SLAIN1: variants seen among roughly 807,000 people sequenced by gnomAD.
SLAIN1 encodes the protein SLAIN family member 1.
SLAIN1 carries 17 observed loss-of-function variants against 55.4 expected under a neutral mutation model. The observed-to-expected ratio is 0.31, with a 90% CI of 0.21 to 0.46. The LOEUF (loss-of-function observed/expected upper bound fraction) is 0.46, where lower values mean the gene tolerates loss of function less well. Ranked by LOEUF, SLAIN1 falls within the 20% of genes least tolerant of loss-of-function variation. SLAIN1 has a pLI of 1.00. For missense variants in SLAIN1, 682 were observed against 785.1 expected, an observed-to-expected ratio of 0.87 and a Z score of 1.57; for synonymous variants, 348 against 337.4, an observed-to-expected ratio of 1.03 and a Z score of -0.35.
At chr13:77,710,859 G>T (rs979249798) in intron 1 of SLAIN1, among the ~76,000 whole-genome samples, 2 of 152,010 alleles carry the variant, frequency 1.3e-5, no homozygotes, top group Admixed American at 6.6e-5. Flanking sequence ...CTCAGCAAAG[G>T]CAAAAGAATG....
rs1278567193 is a variant in SLAIN1 at position 77,697,770 on chromosome 13, C to G, written c.-144C>G. 3 of 865,750 alleles carry G rather than the reference C, an allele frequency of 3.5e-6. No individual in the cohort carries two copies. The highest frequency in any genetic ancestry group is 2.9e-6 in the Non-Finnish European group (2 of 678,732). The allele number at this position is 865,750 out of a possible 1,614,324, so 53.6% of individuals were successfully genotyped here. A position where few individuals can be genotyped will look rare whatever the true frequency, so the allele number is the denominator to read the frequency against. ...CGGAGGCGAGGGCCCGGTGCTGATGCGAACCGCCGGCTCGGCCTCAGCCCG... is the reference window on the plus strand; with the variant it reads ...CGGAGGCGAGGGCCCGGTGCTGATGGGAACCGCCGGCTCGGCCTCAGCCCG... On this transcript the variant is annotated 5_prime_UTR_variant, in exon 1 of 7. Transcript: ENST00000418532.
rs2090995335 is a variant in SLAIN1, at chr13:77,698,368, C to T, written c.455C>T (p.Pro152Leu). The stretch of plus-strand genomic sequence containing the variant: ...GAGGCGCCCTTCGTCTACTTCAAGC[C>T]GGCAGCAGGCTTCTTCGGCGCGGGC... Reference protein sequence around the residue: ...PPEAPFVYFKPAAGFFGAGGG... With the variant: ...PPEAPFVYFKLAAGFFGAGGG... Residue 152 changes from proline (P) to leucine (L), a missense_variant, in exon 1 of 7, where the codon CCG becomes CTG. Physicochemically the swap from Pro to Leu is moderately conservative, Grantham distance 98 (BLOSUM62 -3). Around this residue, in one of 3 missense-constraint regions of SLAIN1, gnomAD observed 401 missense variants for 417.3 expected, o/e 0.96. Coordinates refer to ENST00000418532, the MANE Select transcript of SLAIN1 (RefSeq NM_001242868.2). This position sits in a 1 kb window ranked among gnomAD's most constrained non-coding sequence, Gnocchi z 4.1. 2 of 1,434,696 alleles carry T rather than the reference C, an allele frequency of 1.4e-6. No homozygotes were observed. Among genetic ancestry groups the T allele is most frequent in the Non-Finnish European group, 1.8e-6 (2 of 1,094,666 alleles). The allele number at this position is 1,434,696 out of a possible 1,614,324, so 88.9% of individuals were successfully genotyped here. A position where few individuals can be genotyped will look rare whatever the true frequency, so the allele number is the denominator to read the frequency against.
chr13:77,720,643 A>T (rs1247786615), intron 2 of SLAIN1, among the ~76,000 whole-genome samples: 2 of 152,086 alleles, frequency 1.3e-5, no homozygotes, highest in Non-Finnish European at 2.9e-5. Context: ...GTGTAACTGA[A>T]CTCATCTTTA....
Position 77,764,092 on chromosome 13 carries a change from CAAAT to C in SLAIN1, c.*877_*880del, listed in dbSNP as rs753219935. ...TTCTGGAAATGAATGCATTTTAAAG[CAAAT>C]AAATCTTTTTGATAGACCTTTTACA... On this transcript the variant is annotated 3_prime_UTR_variant, in exon 7 of 7. Coordinates refer to ENST00000418532, the MANE Select transcript of SLAIN1 (RefSeq NM_001242868.2). The C allele has an allele frequency of 2.0e-5, 3 of 152,542 alleles. No homozygotes were observed. Among genetic ancestry groups the C allele is most frequent in the Non-Finnish European group, 2.9e-5 (2 of 67,994 alleles). The allele number at this position is 152,542 out of a possible 1,614,324, so 9.4% of individuals were successfully genotyped here.
intron 5 of SLAIN1, among the ~76,000 whole-genome samples, chr13:77,755,982 G>A (rs1379924085): frequency 6.6e-6 from 1 of 152,150 alleles, no homozygotes; most frequent in Non-Finnish European, 1.5e-5. Context: ...AAGAACAGAG[G>A]TAGGATAGAG....
At chr13:77,756,950 T>G (rs1405722682) in intron 5 of SLAIN1, among the ~76,000 whole-genome samples, 1 of 152,136 alleles carries the variant, frequency 6.6e-6, no homozygotes. Context: ...TTGATATGAT[T>G]AGTGGTTACA....
chr13:77,709,032 A>G (rs1017053900), intron 1 of SLAIN1, among the ~76,000 whole-genome samples: 8 of 152,000 alleles, frequency 5.3e-5, no homozygotes, highest in African/African-American at 1.2e-4. Flanking sequence ...GGTTGGAGGA[A>G]TTGCTAACTA....
In SLAIN1 at chr13:77,714,209, A is replaced by G. The variant is rs562590664; in HGVS notation, c.627-5323A>G. ...AGGAAAATTGGTGAAAAAAGTATTG[A>G]GATAAGGAAACTCCACAGTTGACTA... is the stretch of plus-strand genomic sequence containing the variant. On this transcript the variant is annotated intron_variant, in intron 1 of 6. Coordinates refer to ENST00000418532, the MANE Select transcript of SLAIN1 (RefSeq NM_001242868.2). Among the ~76,000 whole-genome samples, 13 of 152,206 alleles carry G rather than the reference A, an allele frequency of 8.5e-5. 1 individual carries two copies. The South Asian group carries it at 2.7e-3, about 32-fold the overall frequency.
rs1458959203 is a variant in SLAIN1, at chr13:77,697,795, G to A, written c.-119G>A. The A allele has an allele frequency of 9.2e-7, 1 of 1,083,904 alleles. No homozygotes were observed. Among genetic ancestry groups the A allele is most frequent in the Non-Finnish European group, 1.1e-6 (1 of 873,484 alleles). The allele number at this position is 1,083,904 out of a possible 1,614,324, so 67.1% of individuals were successfully genotyped here. On this transcript the variant is annotated 5_prime_UTR_variant, in exon 1 of 7. Coordinates refer to ENST00000418532, the MANE Select transcript of SLAIN1 (RefSeq NM_001242868.2). ...CGAACCGCCGGCTCGGCCTCAGCCC[G>A]CGCGTGGTCGGCCCCCCAGGCCGGG...
At chr13:77,708,758 G>A (rs2091115549) in intron 1 of SLAIN1, among the ~76,000 whole-genome samples, 1 of 151,966 alleles carries the variant, frequency 6.6e-6, no homozygotes, top group South Asian at 2.1e-4. Flanking sequence ...CCATCCAAAG[G>A]TCACCAACAT....
chr13:77,697,922 G>A lies in SLAIN1; in HGVS notation c.9G>A (p.Ala3=). The part of the protein sequence containing the change: MM[A]EQVKCASAGV... ...CGCCCTCGGGGCCCACGATGATGGC[G>A]GAGCAGGTGAAATGCGCCTCGGCAG... The change falls in exon 1 of 7, where the codon GCG becomes GCA. Residue 3 remains alanine (A), a synonymous_variant. Coordinates refer to ENST00000418532, the MANE Select transcript of SLAIN1 (RefSeq NM_001242868.2). The A allele has an allele frequency of 2.1e-6, 3 of 1,410,684 alleles. No individual in the cohort carries two copies. The highest frequency in any genetic ancestry group is 2.8e-6 in the Non-Finnish European group (3 of 1,072,822). 87.4% of individuals were successfully genotyped at this position (1,410,684 alleles called of 1,614,324 possible). A position where few individuals can be genotyped will look rare whatever the true frequency, so the allele number is the denominator to read the frequency against.
Position 77,746,837 on chromosome 13 carries a change from C to A in SLAIN1, c.1240C>A (p.Pro414Thr), listed in dbSNP as rs1307321586. 2 of 1,612,460 alleles carry A rather than the reference C, an allele frequency of 1.2e-6. No individual in the cohort carries two copies. The highest frequency in any genetic ancestry group is 2.2e-5 in the South Asian group (2 of 90,958). ...SPQAQTPDQQ[P>T]NRTNGDKLRR... ...TCAAGCCCAAACTCCAGATCAGCAA[C>A]CAAATAGGACCAATGGAGGTAGGTT... The change falls in exon 4 of 7, where the codon CCA becomes ACA. Residue 414 changes from proline (P) to threonine (T), a missense_variant. Transcript: ENST00000418532.
chr13:77,719,900 AATGTAGG>A (rs1475127716), intron 2 of SLAIN1, among the ~76,000 whole-genome samples: 1 of 152,122 alleles, frequency 6.6e-6, no homozygotes, highest in African/African-American at 2.4e-5. Context: ...TTCATATTGC[AATGTAGG>A]AACACACAAA....
At chr13:77,743,031 G>C (rs1390712896) in intron 2 of SLAIN1, 5 of 1,293,858 alleles carry the variant, frequency 3.9e-6, no homozygotes, top group East Asian at 5.8e-5. Context: ...CGATGGCGGA[G>C]TCTCTTCTCT....
intron 1 of SLAIN1, among the ~76,000 whole-genome samples, chr13:77,717,036 G>A (rs1333533994): frequency 1.3e-5 from 2 of 151,938 alleles, no homozygotes; most frequent in Admixed American, 6.6e-5. Context: ...TTCTGTTTCC[G>A]ATTTGATGAG....
At chr13:77,733,080 TTTAAAC>T (rs1299741639) in intron 2 of SLAIN1, among the ~76,000 whole-genome samples, 1 of 152,156 alleles carries the variant, frequency 6.6e-6, no homozygotes, top group Non-Finnish European at 1.5e-5. Flanking sequence ...CACTTGACCT[TTTAAAC>T]TTAGTGTCAA....
intron 2 of SLAIN1, among the ~76,000 whole-genome samples, chr13:77,736,698 A>G (rs1399986264): frequency 2.0e-5 from 3 of 152,056 alleles, no homozygotes; most frequent in African/African-American, 4.8e-5. Flanking sequence ...TGTTCTAGCC[A>G]GTAGCCTCTT....
intron 2 of SLAIN1, among the ~76,000 whole-genome samples, chr13:77,726,232 C>T (rs1144376): frequency 0.13 from 19,590 of 152,034 alleles, 2,261 homozygotes; most frequent in African/African-American, 0.31. Flanking sequence ...GGAGACAGCA[C>T]CTGCATTATC....
chr13:77,719,662 C>G lies in SLAIN1; in HGVS notation c.757C>G (p.Leu253Val). Reference protein sequence around the residue: ...EAARRSLCFRLEQGYTSRGSP... With the variant: ...EAARRSLCFRVEQGYTSRGSP... ...AGCGAGACGTTCCCTGTGCTTTAGA[C>G]TGGAGCAAGGTAATTGTGAGTGTGT... Residue 253 changes from leucine to valine, a missense_variant, in exon 2 of 7, where the codon CTG (leucine) becomes GTG (valine). Physicochemically the swap from Leu to Val is conservative, Grantham distance 32. Transcript: ENST00000418532. 6.2e-7 allele frequency: 1 copy of G among 1,613,186 alleles called. No homozygotes were observed. The highest frequency in any genetic ancestry group is 8.5e-7 in the Non-Finnish European group (1 of 1,179,406).
Sources: allele counts gnomAD v4.1 joint callset (sites outside exome capture counted in the v4.1 genomes callset), GRCh38; gene constraint gnomAD v4.1.1; regional missense constraint gnomAD v4.1.1; non-coding constraint Gnocchi (gnomAD v3.1); transcripts MANE v1.5; gene names NCBI Gene and HGNC (gene_info 2026-07-23, HGNC 2026-07-21).